PCDH7: variants seen among roughly 807,000 people sequenced by gnomAD.
PCDH7 encodes the protein protocadherin 7.
A neutral mutation model predicts 58.9 loss-of-function variants in PCDH7; 17 were observed. The ratio of observed to expected loss-of-function variants is 0.29; its 90% CI spans 0.20 to 0.43. The LOEUF is 0.43. PCDH7 is among the 20% of genes least tolerant of loss of function. The pLI is 1.00. For synonymous variants in PCDH7, 664 were observed against 616.4 expected, an observed-to-expected ratio of 1.08 and a Z score of -1.14; for missense variants, 1,274 against 1,441.0, an observed-to-expected ratio of 0.88 and a Z score of 1.88.
At chr4:30,870,018 A>G (rs1735366371) in intron 1 of PCDH7, among the ~76,000 whole-genome samples, 1 of 151,934 alleles carries the variant, frequency 6.6e-6, no homozygotes, top group Non-Finnish European at 1.5e-5. Flanking sequence ...TTTGATTTGC[A>G]TTTCTCTAAT....
At chr4:31,078,562 A>C (rs1349127156) in intron 3 of PCDH7, among the ~76,000 whole-genome samples, 1 of 147,032 alleles carries the variant, frequency 6.8e-6, no homozygotes, top group East Asian at 2.0e-4. Context: ...GCCTCAAGCT[A>C]TCAAGCAATG....
rs1713847765 is a variant in PCDH7, at chr4:30,722,610, C to G, written c.1188C>G (p.Thr396=). 4.3e-6 allele frequency: 7 copies of G among 1,613,166 alleles called. No homozygotes were observed. The South Asian group carries it at 7.7e-5, about 18-fold the overall frequency. The change falls in exon 1 of 2, where the codon ACC becomes ACG. Residue 396 remains threonine, a synonymous_variant. Transcript: ENST00000361762. This position sits in a 1 kb window ranked among gnomAD's most constrained non-coding sequence, Gnocchi z 7.6. ...GCGACCGCGGGCAGCCCCCCAAGAC[C>G]GACAAGGCCACCGTGGTCCTTAACA... is the stretch of plus-strand genomic sequence containing the variant.
chr4:30,909,978 ATG>A (rs1389950974), intron 1 of PCDH7, among the ~76,000 whole-genome samples: 2 of 151,500 alleles, frequency 1.3e-5, no homozygotes, highest in Non-Finnish European at 3.0e-5. Context: ...CAAAACAAAT[ATG>A]TAGACCAATG....
Position 31,049,510 on chromosome 4 carries a change from C to G in PCDH7, c.*8-92963C>G, listed in dbSNP as rs1207025424. On this transcript the variant is annotated intron_variant, in intron 3 of 3. Coordinates refer to the PCDH7 transcript ENST00000509759. The stretch of plus-strand genomic sequence containing the variant: ...CTACATTTCTTTCTCTTGCTAGTAA[C>G]AGGGATAGGGCTTAAATCGTTGATA... Among the ~76,000 whole-genome samples the G allele has an allele frequency of 3.3e-5, 5 of 152,068 alleles. 1 individual carries two copies. The South Asian group carries it at 1.0e-3, about 32-fold the overall frequency.
At chr4:30,776,025 A>G (rs1185492242) in intron 1 of PCDH7, among the ~76,000 whole-genome samples, 1 of 152,234 alleles carries the variant, frequency 6.6e-6, no homozygotes, top group Non-Finnish European at 1.5e-5. Context: ...AATAGCTGCT[A>G]TAGACATGAA....
At chr4:30,811,759 C>A (rs1025078703) in intron 1 of PCDH7, among the ~76,000 whole-genome samples, 2 of 151,978 alleles carry the variant, frequency 1.3e-5, no homozygotes, top group Admixed American at 1.3e-4. Flanking sequence ...TGAAAGTGTC[C>A]CATCAAGGCA....
intron 3 of PCDH7, among the ~76,000 whole-genome samples, chr4:31,090,183 G>A (rs923849770): frequency 6.6e-6 from 1 of 151,992 alleles, no homozygotes. Flanking sequence ...CCTAATGAGA[G>A]AGGATCCTTG....
rs188485961 is a variant in PCDH7 at position 31,083,064 on chromosome 4, C to T, written c.*8-59409C>T. On this transcript the variant is annotated intron_variant, in intron 3 of 3. Coordinates refer to the PCDH7 transcript ENST00000509759. ...TGGAGCTTGCAATGAGCGGAGATTGCGCCACTGCACTCCAGCCTGGGCGAC... is the reference window on the plus strand; with the variant it reads ...TGGAGCTTGCAATGAGCGGAGATTGTGCCACTGCACTCCAGCCTGGGCGAC... 4.6e-3 allele frequency among the ~76,000 whole-genome samples: 701 copies of T among 152,016 alleles called. 5 individuals carry two copies. The highest frequency in any genetic ancestry group is 5.1e-3 in the Non-Finnish European group (345 of 67,964).
intron 3 of PCDH7, among the ~76,000 whole-genome samples, chr4:31,110,546 C>T (rs1252736585): frequency 6.6e-6 from 1 of 152,104 alleles, no homozygotes; most frequent in Non-Finnish European, 1.5e-5. Flanking sequence ...TATACAAAAA[C>T]GTATTTTGTT....
intron 2 of PCDH7, among the ~76,000 whole-genome samples, chr4:30,932,668 T>C (rs1433619037): frequency 6.6e-6 from 1 of 152,180 alleles, no homozygotes; most frequent in South Asian, 2.1e-4. Flanking sequence ...AAATAGAATG[T>C]ATGTAAATGT....
chr4:30,971,499 T>C (rs543967818), intron 3 of PCDH7, among the ~76,000 whole-genome samples: 20 of 152,212 alleles, frequency 1.3e-4, no homozygotes, highest in Non-Finnish European at 2.6e-4. Flanking sequence ...CTGTGTTTTT[T>C]AAAATGTAGT....
chr4:30,756,289 C>T (rs1719296469), intron 1 of PCDH7, among the ~76,000 whole-genome samples: 1 of 152,030 alleles, frequency 6.6e-6, no homozygotes, highest in Non-Finnish European at 1.5e-5. Context: ...GATCTTCCCT[C>T]ATGACCCAGA....
intron 1 of PCDH7, among the ~76,000 whole-genome samples, chr4:30,828,524 A>T (rs1729372030): frequency 6.6e-6 from 1 of 151,998 alleles, no homozygotes; most frequent in Non-Finnish European, 1.5e-5. Context: ...CCCCCATGAG[A>T]ATGCATGTGT....
intron 1 of PCDH7, among the ~76,000 whole-genome samples, chr4:30,872,914 C>T (rs1735810525): frequency 6.6e-6 from 1 of 152,040 alleles, no homozygotes; most frequent in Admixed American, 6.6e-5. Context: ...AAGAATCAGA[C>T]CAGTTCCTGG....
chr4:30,978,164 A>G (rs1182646128), intron 3 of PCDH7, among the ~76,000 whole-genome samples: 3 of 152,180 alleles, frequency 2.0e-5, no homozygotes, highest in African/African-American at 7.2e-5. Flanking sequence ...CCTTATCCTA[A>G]GATTACATAA....
At chr4:30,968,375 A>ATATATAGTGTGTAT (rs1560541525) in intron 3 of PCDH7, among the ~76,000 whole-genome samples, 14 of 71,728 alleles carry the variant, frequency 2.0e-4, no homozygotes, top group African/African-American at 7.2e-4. Flanking sequence ...ATATACACAC[A>ATATATAGTGTGTAT]CTATATATAT....
intron 3 of PCDH7, among the ~76,000 whole-genome samples, chr4:31,063,545 T>C (rs1427384144): frequency 1.3e-5 from 2 of 151,804 alleles, no homozygotes; most frequent in African/African-American, 4.8e-5. Flanking sequence ...ATGTATTATT[T>C]TCCTCCATTT....
chr4:30,803,122 T>A (rs1005795962), intron 1 of PCDH7, among the ~76,000 whole-genome samples: 2 of 151,944 alleles, frequency 1.3e-5, no homozygotes, highest in Admixed American at 6.6e-5. Flanking sequence ...GCCATGGAGG[T>A]CATTAGCCTT....
At chr4:30,902,260 T>G (rs1740314257) in intron 1 of PCDH7, among the ~76,000 whole-genome samples, 1 of 152,166 alleles carries the variant, frequency 6.6e-6, no homozygotes, top group Admixed American at 6.6e-5. Context: ...GTTGTTGCAG[T>G]ATGTAAGTCT....
Sources: allele counts gnomAD v4.1 joint callset (sites outside exome capture counted in the v4.1 genomes callset), GRCh38; gene constraint gnomAD v4.1.1; non-coding constraint Gnocchi (gnomAD v3.1); transcripts MANE v1.5; gene names NCBI Gene and HGNC (gene_info 2026-07-23, HGNC 2026-07-21).